Variants in SEMA5A observed in about 807,000 individuals in gnomAD.
The protein encoded by SEMA5A is semaphorin 5A.
A neutral mutation model predicts 135.5 loss-of-function variants in SEMA5A; 55 were observed. The observed-to-expected ratio is 0.41, with a 90% CI of 0.33 to 0.51. The LOEUF (loss-of-function observed/expected upper bound fraction) is 0.51, where lower values mean the gene tolerates loss of function less well. Among genes scored for constraint, SEMA5A ranks in the 20% least tolerant of loss-of-function variants. The pLI is 0.37. For missense variants in SEMA5A, 1,290 were observed against 1,419.9 expected, an observed-to-expected ratio of 0.91 and a Z score of 1.47; for synonymous variants, 580 against 546.5, an observed-to-expected ratio of 1.06 and a Z score of -0.85.
At chr5:9,226,234 T>C (rs1747303469) in intron 7 of SEMA5A, among the ~76,000 whole-genome samples, 1 of 152,174 alleles carries the variant, frequency 6.6e-6, no homozygotes, top group Non-Finnish European at 1.5e-5. Context: ...TATTTCTTCA[T>C]GATATTCCCA....
chr5:9,509,524 C>A (rs1483555761), intron 1 of SEMA5A, among the ~76,000 whole-genome samples: 1 of 152,140 alleles, frequency 6.6e-6, no homozygotes, highest in Non-Finnish European at 1.5e-5. Context: ...ATCCACCCAC[C>A]TTGGCCTCCC....
chr5:9,353,155 AGGAAAGGAG>A (rs1561177108), intron 3 of SEMA5A, among the ~76,000 whole-genome samples: 7 of 78,122 alleles, frequency 9.0e-5, no homozygotes, highest in African/African-American at 1.6e-4. Context: ...AGGAAAGGAA[AGGAAAGGAG>A]GGAAAGGAAG....
intron 1 of SEMA5A, among the ~76,000 whole-genome samples, chr5:9,458,400 T>A (rs977124699): frequency 3.3e-5 from 5 of 152,192 alleles, no homozygotes; most frequent in Non-Finnish European, 7.3e-5. Flanking sequence ...TTTGAAATAA[T>A]GTAGAACCCA....
intron 17 of SEMA5A, among the ~76,000 whole-genome samples, 172 bp downstream of exon 17, chr5:9,066,249 T>C (rs1561118703): frequency 6.6e-6 from 1 of 152,238 alleles, no homozygotes; most frequent in Non-Finnish European, 1.5e-5. Flanking sequence ...TAAGGCTCCT[T>C]TCTTTCAATT....
At chr5:9,299,910 C>T (rs1751528531) in intron 5 of SEMA5A, among the ~76,000 whole-genome samples, 1 of 152,254 alleles carries the variant, frequency 6.6e-6, no homozygotes, top group Non-Finnish European at 1.5e-5. Context: ...CCCTCAGTGG[C>T]CCTGCTCTAA....
At chr5:9,290,165 A>T (rs1751009410) in intron 5 of SEMA5A, among the ~76,000 whole-genome samples, 1 of 152,178 alleles carries the variant, frequency 6.6e-6, no homozygotes, top group Non-Finnish European at 1.5e-5. Flanking sequence ...CAAGCAGGCT[A>T]CACTGTACCC....
At chr5:9,466,121 G>A (rs1186190456) in intron 1 of SEMA5A, among the ~76,000 whole-genome samples, 2 of 152,070 alleles carry the variant, frequency 1.3e-5, no homozygotes, top group Admixed American at 1.3e-4. Context: ...CTGAGTAGCT[G>A]TGCACACAGA....
At chr5:9,527,414 C>T (rs1049613810) in intron 1 of SEMA5A, among the ~76,000 whole-genome samples, 1 of 152,190 alleles carries the variant, frequency 6.6e-6, no homozygotes, top group African/African-American at 2.4e-5. Flanking sequence ...GATGTTTGCT[C>T]TTATGCAAAG....
intron 10 of SEMA5A, 148 bp downstream of exon 10, chr5:9,197,020 G>C (rs1430019790): frequency 6.3e-6 from 7 of 1,112,960 alleles, no homozygotes; most frequent in African/African-American, 1.6e-5. Flanking sequence ...ACATTAGCCA[G>C]CAGAGTATGG....
chr5:9,146,546 A>T (rs1456693157), intron 12 of SEMA5A, among the ~76,000 whole-genome samples: 1 of 152,196 alleles, frequency 6.6e-6, no homozygotes, highest in African/African-American at 2.4e-5. Flanking sequence ...GGAGAGGAAC[A>T]TTAGGTGAGG....
intron 19 of SEMA5A, among the ~76,000 whole-genome samples, chr5:9,052,782 G>A (rs1335864758): frequency 1.3e-5 from 2 of 151,738 alleles, no homozygotes; most frequent in East Asian, 3.9e-4. Context: ...AAAGAAAGGA[G>A]TAAGACTCCT....
chr5:9,114,510 C>G (rs1370756739), intron 15 of SEMA5A, among the ~76,000 whole-genome samples: 3 of 151,918 alleles, frequency 2.0e-5, no homozygotes, highest in Non-Finnish European at 4.4e-5. Flanking sequence ...AAAAAGTAAA[C>G]AGGAATATAT....
intron 5 of SEMA5A, among the ~76,000 whole-genome samples, chr5:9,277,699 G>C (rs1382102405): frequency 1.3e-5 from 2 of 152,130 alleles, no homozygotes; most frequent in African/African-American, 2.4e-5. Flanking sequence ...ATCATTCTCA[G>C]TAAACTAACA....
intron 22 of SEMA5A, 129 bp from the exon 23 acceptor site, chr5:9,043,145 CTTAT>C: frequency 1.2e-6 from 1 of 842,924 alleles, no homozygotes; most frequent in Non-Finnish European, 1.8e-6. Context: ...AATATGTTTT[CTTAT>C]TTATTTGCTT....
chr5:9,254,075 A>G (rs1165897002), intron 5 of SEMA5A, among the ~76,000 whole-genome samples: 1 of 152,200 alleles, frequency 6.6e-6, no homozygotes, highest in Non-Finnish European at 1.5e-5. Flanking sequence ...GTTCTCTACC[A>G]AGAAAATGCC....
intron 2 of SEMA5A, among the ~76,000 whole-genome samples, chr5:9,435,859 T>G (rs1287839441): frequency 1.3e-5 from 2 of 152,246 alleles, no homozygotes; most frequent in Non-Finnish European, 2.9e-5. Flanking sequence ...CGTTCGCCAA[T>G]TCTTGATTTA....
At chr5:9,481,882 G>A (rs1759889293) in intron 1 of SEMA5A, among the ~76,000 whole-genome samples, 1 of 152,090 alleles carries the variant, frequency 6.6e-6, no homozygotes, top group South Asian at 2.1e-4. Context: ...GATTTCTTAT[G>A]CACACACACA....
At chr5:9,110,029 G>A (rs560531100) in intron 15 of SEMA5A, among the ~76,000 whole-genome samples, 1 of 152,302 alleles carries the variant, frequency 6.6e-6, no homozygotes, top group South Asian at 2.1e-4. Context: ...GCAAGGCCAA[G>A]CTGAGGGGTG....
intron 5 of SEMA5A, among the ~76,000 whole-genome samples, chr5:9,297,348 C>T (rs2150600310): frequency 6.6e-6 from 1 of 152,184 alleles, no homozygotes; most frequent in Middle Eastern, 3.4e-3. Flanking sequence ...TGTTGAAATC[C>T]TAACCTCTCA....
Sources: gnomAD v4.1 joint callset for allele counts (sites outside exome capture counted in the v4.1 genomes callset) on GRCh38, gnomAD v4.1.1 for gene constraint, MANE v1.5 for transcripts, NCBI Gene and HGNC (gene_info 2026-07-23, HGNC 2026-07-21) for gene names.